Variants in CCNB1IP1 observed in about 807,000 individuals in gnomAD.
The protein encoded by CCNB1IP1 is cyclin B1 interacting protein 1.
CCNB1IP1 carries 14 observed loss-of-function variants against 25.6 expected under a neutral mutation model. That is an observed-to-expected ratio of 0.55 (90% CI 0.36 to 0.85). CCNB1IP1 has a LOEUF of 0.85. Ranked by LOEUF, CCNB1IP1 falls within the 40% of genes least tolerant of loss-of-function variation. CCNB1IP1 has a pLI of 0.01. For missense variants in CCNB1IP1, 278 were observed against 342.4 expected (o/e 0.81, Z 1.48); for synonymous variants, 119 against 116.1 (o/e 1.02, Z -0.16).
rs1365968595 is a variant in CCNB1IP1, at chr14:20,316,463, CAG to C, written c.59_60del (p.Ser20TrpfsTer14). 2.5e-6 allele frequency: 4 copies of C among 1,613,520 alleles called. No individual in the cohort carries two copies. Among genetic ancestry groups the C allele is most frequent in the Non-Finnish European group, 3.4e-6 (4 of 1,179,994 alleles). ...GAGCAGGCAGTGACCCATGCATAGC[CAG>C]AGAGTTTGATGCGACACTTTCGATA... ...CNYRKCRIKL[S>X]GYAWVTACSH... On this transcript the variant is annotated frameshift_variant, in exon 5 of 7. Coordinates refer to ENST00000358932, the MANE Select transcript of CCNB1IP1 (RefSeq NM_021178.5). LOFTEE classifies it high-confidence loss of function.
intron 4 of CCNB1IP1, among the ~76,000 whole-genome samples, chr14:20,324,111 A>C (rs1203782018): frequency 6.6e-6 from 1 of 152,178 alleles, no homozygotes; most frequent in African/African-American, 2.4e-5. Context: ...GAACTTAATT[A>C]AGTTTTGAGG....
At chr14:20,313,208 TTTAAC>T (rs1311060542) in intron 6 of CCNB1IP1, among the ~76,000 whole-genome samples, 1 of 152,212 alleles carries the variant, frequency 6.6e-6, no homozygotes, top group Non-Finnish European at 1.5e-5. Context: ...CTACATAGCT[TTTAAC>T]TTAATGTAGC....
At position 20,311,648 on chromosome 14, in the gene CCNB1IP1, G is replaced by T; in HGVS notation, c.736C>A (p.Pro246Thr). The T allele has an allele frequency of 6.2e-7, 1 of 1,614,070 alleles. No individual in the cohort carries two copies. Among genetic ancestry groups the T allele is most frequent in the Admixed American group, 1.7e-5 (1 of 60,024 alleles). ...CTAAAAAAGCTGTTGCTGGGTTCAG[G>T]TGCTGTGGGAGAACCCGCAAAAAAT... ...RPFFAGSPTA[P>T]EPSNSFFSFV... The change falls in exon 7 of 7, where the codon CCT becomes ACT. Residue 246 changes from proline to threonine, a missense_variant. Pro to Thr is a conservative substitution (Grantham distance 38). Coordinates refer to ENST00000358932, the MANE Select transcript of CCNB1IP1 (RefSeq NM_021178.5).
At chr14:20,314,224 G>C in intron 5 of CCNB1IP1, 1 of 155,440 alleles carries the variant, frequency 6.4e-6, no homozygotes, top group Non-Finnish European at 1.4e-5. Flanking sequence ...GGCAGGACCT[G>C]TGACTAGAAT....
At position 20,316,497 on chromosome 14, in the gene CCNB1IP1, A is replaced by C. The variant is rs1373196370; in HGVS notation, c.27T>G (p.Leu9=). 1 of 1,609,644 alleles carries C rather than the reference A, an allele frequency of 6.2e-7. No individual in the cohort carries two copies. The highest frequency in any genetic ancestry group is 8.5e-7 in the Non-Finnish European group (1 of 1,179,874). The part of the protein sequence containing the change: MSLCEDML[L]CNYRKCRIKL... The stretch of plus-strand genomic sequence containing the variant: ...TGATGCGACACTTTCGATAATTACA[A>C]AGCAGCATGTCTTCACACAAAGACA... Residue 9 remains leucine, a synonymous_variant, in exon 5 of 7, where the codon CTT becomes CTG. Transcript: ENST00000358932.
chr14:20,318,491 TATTTA>T (rs1301815855), intron 4 of CCNB1IP1: 1 of 151,114 alleles, frequency 6.6e-6, no homozygotes, highest in Non-Finnish European at 1.5e-5. Context: ...AAAAAAAAAT[TATTTA>T]ATTAATTGAT....
intron 3 of CCNB1IP1, 54 bp downstream of exon 3, chr14:20,326,661 TA>T: frequency 3.0e-6 from 1 of 336,676 alleles, no homozygotes. Flanking sequence ...CAAGTCTTGC[TA>T]AGTGATTAGA....
intron 1 of CCNB1IP1, among the ~76,000 whole-genome samples, chr14:20,331,341 C>G (rs1170661494): frequency 6.6e-6 from 1 of 152,168 alleles, no homozygotes; most frequent in Non-Finnish European, 1.5e-5. Context: ...CATCCCCACT[C>G]AAACCAAAGT....
At chr14:20,314,820 G>A (rs1484014539) in intron 5 of CCNB1IP1, among the ~76,000 whole-genome samples, 4 of 151,908 alleles carry the variant, frequency 2.6e-5, no homozygotes, top group African/African-American at 9.7e-5. Flanking sequence ...GGCCGGGCGC[G>A]GTGGCTCATG....
At chr14:20,330,125 A>AAAAAAAAAAAAC (rs1345596226) in intron 1 of CCNB1IP1, among the ~76,000 whole-genome samples, 9 of 150,930 alleles carry the variant, frequency 6.0e-5, no homozygotes, top group African/African-American at 2.0e-4. Flanking sequence ...AAAACAAAAA[A>AAAAAAAAAAAAC]CATGTCCTTT....
intron 4 of CCNB1IP1, among the ~76,000 whole-genome samples, chr14:20,320,896 G>GT (rs1226178446): frequency 4.3e-5 from 6 of 138,382 alleles, no homozygotes; most frequent in Non-Finnish European, 1.0e-4. Context: ...CCAGCACTTT[G>GT]GGGGGTCAAG....
chr14:20,317,154 T>C (rs546729946), intron 4 of CCNB1IP1, among the ~76,000 whole-genome samples: 21 of 151,902 alleles, frequency 1.4e-4, no homozygotes, highest in Non-Finnish European at 2.4e-4. Context: ...CACCCCTGTA[T>C]AATTCCAGCA....
rs377641985 is a variant in CCNB1IP1 at position 20,316,275 on chromosome 14, C to G, written c.249G>C (p.Glu83Asp). ...CTCGGGAGCTAATGTCCAACACGAT[C>G]TCTGGTCGCAGTCCTGCCAATACCA... The part of the protein sequence containing the change: ...KAMVLAGLRP[E>D]IVLDISSRAL... Residue 83 changes from glutamate (E) to aspartate (D), a missense_variant, in exon 5 of 7, where the codon GAG becomes GAC. Glu to Asp is a conservative substitution (Grantham distance 45). Coordinates refer to ENST00000358932, the MANE Select transcript of CCNB1IP1 (RefSeq NM_021178.5). 6.2e-6 allele frequency: 10 copies of G among 1,613,884 alleles called. No individual in the cohort carries two copies. Among genetic ancestry groups the G allele is most frequent in the Non-Finnish European group, 8.5e-6 (10 of 1,179,872 alleles).
chr14:20,323,959 C>T (rs1882984693), intron 4 of CCNB1IP1, among the ~76,000 whole-genome samples: 1 of 147,652 alleles, frequency 6.8e-6, no homozygotes, highest in South Asian at 2.2e-4. Context: ...TAGAAGAGAT[C>T]ATTAAGGATC....
intron 4 of CCNB1IP1, among the ~76,000 whole-genome samples, chr14:20,323,917 C>CAAAAAAAA (rs59156707): frequency 2.7e-5 from 2 of 73,718 alleles, no homozygotes; most frequent in African/African-American, 1.1e-4. Flanking sequence ...GACTCCGTCT[C>CAAAAAAAA]AAAAAAAAAA....
intron 4 of CCNB1IP1, chr14:20,320,280 T>A (rs1882848495): frequency 6.6e-6 from 3 of 455,136 alleles, no homozygotes; most frequent in Non-Finnish European, 1.3e-5. Context: ...AGAGTCTGAA[T>A]AACTTACAAT....
At chr14:20,320,410 T>C (rs960086905) in intron 4 of CCNB1IP1, 9 of 445,762 alleles carry the variant, frequency 2.0e-5, no homozygotes, top group African/African-American at 1.2e-4. Context: ...ATATTTACCA[T>C]GCAAGGGATA....
At chr14:20,328,971 C>T (rs561082076) in intron 2 of CCNB1IP1, among the ~76,000 whole-genome samples, 6 of 152,256 alleles carry the variant, frequency 3.9e-5, no homozygotes, top group African/African-American at 1.4e-4. Context: ...CCAAAAGGTA[C>T]ATTTTATATG....
rs573090557 is a variant in CCNB1IP1 at position 20,314,649 on chromosome 14, C to T, written c.298-848G>A. 5 of 151,768 alleles carry T rather than the reference C, an allele frequency of 3.3e-5. No individual in the cohort carries two copies. In the South Asian group the frequency reaches 8.3e-4, roughly 25 times the overall value. 9.4% of individuals were successfully genotyped at this position (151,768 alleles called of 1,614,324 possible). On this transcript the variant is annotated intron_variant, in intron 5 of 6. Coordinates refer to ENST00000358932, the MANE Select transcript of CCNB1IP1 (RefSeq NM_021178.5). Reference sequence around the variant, plus strand: ...TAAAAATCTCTGCTCTGTGAAAGACCCTGTAAGAGAATAAAAAGACAAGCC... The same window carrying T: ...TAAAAATCTCTGCTCTGTGAAAGACTCTGTAAGAGAATAAAAAGACAAGCC...
Sources: gnomAD v4.1 joint callset for allele counts (sites outside exome capture counted in the v4.1 genomes callset) on GRCh38, gnomAD v4.1.1 for gene constraint, MANE v1.5 for transcripts, NCBI Gene and HGNC (gene_info 2026-07-23, HGNC 2026-07-21) for gene names.